NCKAP5: variants seen among roughly 807,000 people sequenced by gnomAD.
NCKAP5 encodes the protein nck-associated protein 5.
In NCKAP5, 92 loss-of-function variants were observed where a neutral mutation model predicts 167.0. The observed-to-expected ratio is 0.55, with a 90% CI of 0.47 to 0.66. NCKAP5 has a LOEUF of 0.66. Ranked by LOEUF, NCKAP5 falls within the 30% of genes least tolerant of loss-of-function variation. The probability of loss-of-function intolerance (pLI) is 0.00; values close to 1 mark genes in which losing one functional copy is unlikely to be tolerated. For synonymous variants in NCKAP5, 891 were observed against 877.4 expected (o/e 1.02, Z -0.27); for missense variants, 2,378 against 2,315.0 (o/e 1.03, Z -0.56).
chr2:133,261,892 T>C (rs1344985422), intron 4 of NCKAP5, among the ~76,000 whole-genome samples: 1 of 152,192 alleles, frequency 6.6e-6, no homozygotes. Flanking sequence ...GGAATGCCAA[T>C]GTAATGCCAA....
At chr2:133,648,571 A>G in the NCKAP5 span, among the ~76,000 whole-genome samples, 1 of 152,230 alleles carries the variant, frequency 6.6e-6, no homozygotes, top group Non-Finnish European at 1.5e-5. Context: ...TCTGACCAAA[A>G]CTGAATAAAA....
chr2:133,313,409 C>T (rs1198945875), intron 3 of NCKAP5, among the ~76,000 whole-genome samples: 1 of 152,036 alleles, frequency 6.6e-6, no homozygotes, highest in Non-Finnish European at 1.5e-5. Flanking sequence ...TAAATCTACA[C>T]AAAAGTTAAA....
At chr2:133,132,562 G>A (rs1464568474) in intron 5 of NCKAP5, among the ~76,000 whole-genome samples, 1 of 150,662 alleles carries the variant, frequency 6.6e-6, no homozygotes, top group African/African-American at 2.5e-5. Context: ...AAGACTATGA[G>A]GGCAAAAGCT....
the NCKAP5 span, among the ~76,000 whole-genome samples, chr2:133,639,767 T>A: frequency 1.3e-5 from 2 of 152,120 alleles, no homozygotes; most frequent in Non-Finnish European, 2.9e-5. Context: ...GTATATACAC[T>A]TTCCTAACAA....
chr2:132,855,543 T>C (rs1484741395), intron 11 of NCKAP5, among the ~76,000 whole-genome samples: 3 of 152,224 alleles, frequency 2.0e-5, no homozygotes, highest in Non-Finnish European at 4.4e-5. Context: ...TAAGGTGAAC[T>C]TATATCCCAA....
At chr2:132,998,548 G>A (rs1474702974) in intron 6 of NCKAP5, among the ~76,000 whole-genome samples, 1 of 152,070 alleles carries the variant, frequency 6.6e-6, no homozygotes, top group Non-Finnish European at 1.5e-5. Context: ...ATGTCACAGA[G>A]AAAATGTTAT....
intron 2 of NCKAP5, among the ~76,000 whole-genome samples, chr2:133,519,431 G>C (rs1395375590): frequency 6.6e-6 from 1 of 152,148 alleles, no homozygotes; most frequent in Admixed American, 6.5e-5. Context: ...ATTTGTTTGG[G>C]AGGCTGCCTT....
intron 6 of NCKAP5, among the ~76,000 whole-genome samples, chr2:133,098,875 G>A (rs771742161): frequency 1.3e-5 from 2 of 152,140 alleles, no homozygotes; most frequent in Non-Finnish European, 2.9e-5. Context: ...AAATTACCAA[G>A]AGCACAAGCA....
chr2:133,462,091 T>C (rs1692235324), intron 3 of NCKAP5, among the ~76,000 whole-genome samples: 1 of 152,258 alleles, frequency 6.6e-6, no homozygotes, highest in Non-Finnish European at 1.5e-5. Context: ...GGAATGTATT[T>C]GCTTTTGCCT....
chr2:133,471,892 G>A lies in NCKAP5; in HGVS notation c.69+45566C>T, dbSNP rs142089332. ...TCTTACTCAAGTCTCAAACTTTCAC[G>A]ACCATATGTTATGCTTTAGTTTGAC... On this transcript the variant is annotated intron_variant, in intron 3 of 19. Coordinates refer to ENST00000409261, the MANE Select transcript of NCKAP5 (RefSeq NM_207363.3). Among the ~76,000 whole-genome samples, 249 of 152,178 alleles carry A rather than the reference G, an allele frequency of 1.6e-3. 1 individual carries two copies. Among genetic ancestry groups the A allele is most frequent in the South Asian group, 0.014 (65 of 4,812 alleles).
chr2:132,973,726 GAA>G (rs774637661), intron 7 of NCKAP5, among the ~76,000 whole-genome samples: 2 of 141,172 alleles, frequency 1.4e-5, no homozygotes, highest in Non-Finnish European at 1.5e-5. Context: ...CACCTTCTTG[GAA>G]AAAAAAAAAC....
chr2:133,224,680 T>A lies in NCKAP5; in HGVS notation c.144-10901A>T, dbSNP rs572125130. 2.0e-5 allele frequency among the ~76,000 whole-genome samples: 3 copies of A among 152,320 alleles called. No individual in the cohort carries two copies. In the East Asian group the frequency reaches 5.8e-4, roughly 29 times the overall value. ...TTGGAAGAGCCTGAATTTAGCACAATACTGAATTAAAGTAACCCATTTTCT... is the reference window on the plus strand; with the variant it reads ...TTGGAAGAGCCTGAATTTAGCACAAAACTGAATTAAAGTAACCCATTTTCT... On this transcript the variant is annotated intron_variant, in intron 4 of 19. Transcript: ENST00000409261.
At chr2:133,027,505 T>C (rs2078738631) in intron 6 of NCKAP5, among the ~76,000 whole-genome samples, 1 of 152,156 alleles carries the variant, frequency 6.6e-6, no homozygotes, top group Non-Finnish European at 1.5e-5. Flanking sequence ...TAGCTCAAGG[T>C]CACACAGAGT....
intron 3 of NCKAP5, among the ~76,000 whole-genome samples, chr2:133,512,705 A>C (rs1683600559): frequency 6.6e-6 from 1 of 152,232 alleles, no homozygotes; most frequent in Non-Finnish European, 1.5e-5. Context: ...ATGAGGAAGA[A>C]GTTTCCCTGG....
chr2:133,543,093 G>A (rs1215342115), intron 2 of NCKAP5, among the ~76,000 whole-genome samples: 1 of 152,130 alleles, frequency 6.6e-6, no homozygotes, highest in Non-Finnish European at 1.5e-5. Context: ...GAGGTATTTG[G>A]GTCAAAAGTG....
chr2:133,195,366 G>A (rs771617956), intron 5 of NCKAP5, among the ~76,000 whole-genome samples: 23 of 148,934 alleles, frequency 1.5e-4, no homozygotes, highest in Admixed American at 3.3e-4. Flanking sequence ...GAGAATAGAC[G>A]AAATCAGAAT....
chr2:132,988,275 C>CA (rs1383960491), intron 7 of NCKAP5, among the ~76,000 whole-genome samples: 1 of 151,880 alleles, frequency 6.6e-6, no homozygotes, highest in Non-Finnish European at 1.5e-5. Flanking sequence ...CCATCATGGC[C>CA]AACACGGTAA....
intron 3 of NCKAP5, among the ~76,000 whole-genome samples, chr2:133,498,541 AAGGGAGGG>A (rs754814267): frequency 7.4e-6 from 1 of 135,942 alleles, no homozygotes; most frequent in African/African-American, 2.7e-5. Context: ...GGCAGGGAGG[AAGGGAGGG>A]AGGGAGGGAA....
intron 5 of NCKAP5, among the ~76,000 whole-genome samples, chr2:133,182,107 A>G (rs1318915756): frequency 6.6e-6 from 1 of 152,184 alleles, no homozygotes; most frequent in Non-Finnish European, 1.5e-5. Context: ...AATATGTGAA[A>G]TGGAACTGAA....
Sources: gnomAD v4.1 joint callset for allele counts (sites outside exome capture counted in the v4.1 genomes callset) on GRCh38, gnomAD v4.1.1 for gene constraint, MANE v1.5 for transcripts, NCBI Gene and HGNC (gene_info 2026-07-23, HGNC 2026-07-21) for gene names.